EPB41L5: variants seen among roughly 807,000 people sequenced by gnomAD.
EPB41L5 encodes the protein band 4.1-like protein 5.
Under a neutral mutation model 106.6 loss-of-function variants are expected in EPB41L5, and 55 were observed. The ratio of observed to expected loss-of-function variants is 0.52; its 90% CI spans 0.42 to 0.65. The LOEUF (loss-of-function observed/expected upper bound fraction) is 0.65. Ranked by LOEUF, EPB41L5 falls within the 30% of genes least tolerant of loss-of-function variation. The pLI is 0.00. For missense variants in EPB41L5, 871 were observed against 882.1 expected, an observed-to-expected ratio of 0.99 and a Z score of 0.16; for synonymous variants, 297 against 306.7, an observed-to-expected ratio of 0.97 and a Z score of 0.33.
At chr2:120,072,500 G>C (rs1426358033) in intron 3 of EPB41L5, among the ~76,000 whole-genome samples, 1 of 152,072 alleles carries the variant, frequency 6.6e-6, no homozygotes, top group Admixed American at 6.6e-5. Context: ...TTGCAGCACT[G>C]TTCACAATAG....
chr2:120,142,116 A>ATTTT (rs1558902664), intron 18 of EPB41L5, among the ~76,000 whole-genome samples: 12 of 17,050 alleles, frequency 7.0e-4, no homozygotes, highest in African/African-American at 1.1e-3. Flanking sequence ...TCTTTTTTAA[A>ATTTT]AAAAAAAAAA....
chr2:120,048,068 T>G (rs900635665), intron 3 of EPB41L5, among the ~76,000 whole-genome samples: 5 of 152,092 alleles, frequency 3.3e-5, no homozygotes, highest in African/African-American at 1.2e-4. Context: ...TTTGCCAGTA[T>G]TTTATTGAGG....
intron 14 of EPB41L5, among the ~76,000 whole-genome samples, chr2:120,098,799 C>G (rs942299573): frequency 6.6e-6 from 1 of 152,220 alleles, no homozygotes; most frequent in African/African-American, 2.4e-5. Flanking sequence ...TTCTTAGGTT[C>G]TTAACTGGTT....
At chr2:120,079,940 C>T (rs1237927999) in intron 10 of EPB41L5, among the ~76,000 whole-genome samples, 1 of 152,022 alleles carries the variant, frequency 6.6e-6, no homozygotes, top group Non-Finnish European at 1.5e-5. Flanking sequence ...CTCCCTGCCC[C>T]CGCTAACTGC....
At chr2:120,101,561 G>C (rs543241252) in intron 16 of EPB41L5, 10 of 152,240 alleles carry the variant, frequency 6.6e-5, no homozygotes, top group Non-Finnish European at 1.5e-5. Context: ...TAATTCATAG[G>C]ATTTTTCTCT....
chr2:120,104,073 A>G (rs1479605765), intron 16 of EPB41L5: 4 of 1,534,014 alleles, frequency 2.6e-6, no homozygotes, highest in Non-Finnish European at 3.5e-6. Context: ...CTCTGCTGCC[A>G]GCGACTGCTG....
intron 2 of EPB41L5, among the ~76,000 whole-genome samples, chr2:120,040,587 G>C (rs1679344507): frequency 6.6e-6 from 1 of 152,182 alleles, no homozygotes; most frequent in Non-Finnish European, 1.5e-5. Flanking sequence ...ATGAGTATTT[G>C]CAAATCTAGC....
intron 3 of EPB41L5, among the ~76,000 whole-genome samples, chr2:120,045,633 C>T (rs1191940495): frequency 6.6e-6 from 1 of 151,992 alleles, no homozygotes; most frequent in Non-Finnish European, 1.5e-5. Context: ...CCCAAAAGAT[C>T]CCACAGAATC....
chr2:120,083,047 A>G (rs2105344918), intron 10 of EPB41L5, among the ~76,000 whole-genome samples: 1 of 151,162 alleles, frequency 6.6e-6, no homozygotes, highest in Admixed American at 6.6e-5. Context: ...GATCTTTTCA[A>G]AAAACAACCA....
At chr2:120,146,620 A>G (rs1043444935) in intron 20 of EPB41L5, among the ~76,000 whole-genome samples, 1 of 152,190 alleles carries the variant, frequency 6.6e-6, no homozygotes, top group South Asian at 2.1e-4. Flanking sequence ...TGTTATCACA[A>G]TGGCCTTGTT....
At chr2:120,121,796 CA>C (rs532823710) in intron 16 of EPB41L5, among the ~76,000 whole-genome samples, 239 of 152,340 alleles carry the variant, frequency 1.6e-3, no homozygotes, top group Non-Finnish European at 2.8e-3. Flanking sequence ...CTCCTACCAA[CA>C]GTGTAAAAGC....
At chr2:120,042,708 A>C (rs1679475364) in intron 3 of EPB41L5, among the ~76,000 whole-genome samples, 2 of 152,166 alleles carry the variant, frequency 1.3e-5, no homozygotes, top group South Asian at 4.1e-4. Flanking sequence ...GAGGTGGTTT[A>C]GTGGTTATAT....
chr2:120,071,761 T>C (rs1427686621), intron 3 of EPB41L5, among the ~76,000 whole-genome samples: 1 of 152,130 alleles, frequency 6.6e-6, no homozygotes, highest in African/African-American at 2.4e-5. Flanking sequence ...TCCTTACACC[T>C]TATACAGAAA....
At chr2:120,107,323 T>C (rs186839463) in intron 16 of EPB41L5, among the ~76,000 whole-genome samples, 2 of 152,266 alleles carry the variant, frequency 1.3e-5, no homozygotes, top group East Asian at 1.9e-4. Context: ...TGAATATTGG[T>C]TTGAAAATAT....
chr2:120,128,009 C>T, intron 17 of EPB41L5, 158 bp downstream of exon 17: 1 of 528,408 alleles, frequency 1.9e-6, no homozygotes, highest in South Asian at 4.5e-5. Context: ...CTTAAGGTAA[C>T]ACTGAAATAT....
chr2:120,106,438 C>T (rs916658946), intron 16 of EPB41L5: 10 of 985,170 alleles, frequency 1.0e-5, no homozygotes, highest in Admixed American at 6.1e-5. Context: ...AGTAGCTCAA[C>T]CTAAATTAAA....
intron 10 of EPB41L5, among the ~76,000 whole-genome samples, chr2:120,082,423 A>G (rs1339741237): frequency 6.6e-6 from 1 of 152,156 alleles, no homozygotes; most frequent in Non-Finnish European, 1.5e-5. Flanking sequence ...TGATTGGCAT[A>G]TGTTGAACCA....
chr2:120,135,509 A>C (rs1187221501), intron 18 of EPB41L5, among the ~76,000 whole-genome samples: 1 of 152,200 alleles, frequency 6.6e-6, no homozygotes, highest in Non-Finnish European at 1.5e-5. Context: ...CAAACTCCCA[A>C]ATGTCAATGT....
chr2:120,091,669 G>A lies in EPB41L5; in HGVS notation c.1150+8G>A. 3.8e-6 allele frequency: 6 copies of A among 1,588,272 alleles called. No homozygotes were observed. The highest frequency in any genetic ancestry group is 5.2e-6 in the Non-Finnish European group (6 of 1,158,884). ...GAACTCTACAAATGAAAGGTGAAGTGCAACCCTCTTTCAAAGGATTATTTT... is the reference window on the plus strand; with the variant it reads ...GAACTCTACAAATGAAAGGTGAAGTACAACCCTCTTTCAAAGGATTATTTT... On this transcript the variant is annotated splice_region_variant and intron_variant, in intron 13 of 24. Coordinates refer to ENST00000263713, the MANE Select transcript of EPB41L5 (RefSeq NM_020909.4).
Sources: gnomAD v4.1 joint callset for allele counts (sites outside exome capture counted in the v4.1 genomes callset) on GRCh38, gnomAD v4.1.1 for gene constraint, MANE v1.5 for transcripts, NCBI Gene and HGNC (gene_info 2026-07-23, HGNC 2026-07-21) for gene names.